The following ERC1 variants were observed in gnomAD, a reference collection of about 807,000 sequenced individuals.
The protein encoded by ERC1 is RAB6 interacting protein 2.
In ERC1, 56 loss-of-function variants were observed where a neutral mutation model predicts 132.0. The ratio of observed to expected loss-of-function variants is 0.42; its 90% CI spans 0.34 to 0.53. The LOEUF (loss-of-function observed/expected upper bound fraction) is 0.53, where lower values mean the gene tolerates loss of function less well. Ranked by LOEUF, ERC1 falls within the 20% of genes least tolerant of loss-of-function variation. ERC1 has a pLI of 0.03. For synonymous variants in ERC1, 478 were observed against 476.1 expected (o/e 1.00, Z -0.05); for missense variants, 1,202 against 1,349.9 (o/e 0.89, Z 1.72).
Position 1,375,417 on chromosome 12 carries a change from A to C in ERC1, c.2925+3440A>C, listed in dbSNP as rs1370639481. 2.5e-4 allele frequency among the ~76,000 whole-genome samples: 38 copies of C among 152,142 alleles called. 1 individual carries two copies. The highest frequency in any genetic ancestry group is 2.5e-3 in the Admixed American group (38 of 15,278). On this transcript the variant is annotated intron_variant, in intron 16 of 18. Transcript: ENST00000360905. ...CCCTCCCCTGACACATGGGGATTACAATTCGAGGTGAGATTTGGGTGGGGA... is the reference window on the plus strand; with the variant it reads ...CCCTCCCCTGACACATGGGGATTACCATTCGAGGTGAGATTTGGGTGGGGA...
chr12:1,019,967 C>A (rs1353416785), intron 1 of ERC1, among the ~76,000 whole-genome samples: 24 of 151,710 alleles, frequency 1.6e-4, no homozygotes, highest in Non-Finnish European at 2.6e-4. Flanking sequence ...GTTGTCCAGG[C>A]TGGTCTTGAA....
intron 15 of ERC1, among the ~76,000 whole-genome samples, chr12:1,364,155 T>C (rs1012608023): frequency 1.3e-5 from 2 of 152,240 alleles, no homozygotes; most frequent in African/African-American, 4.8e-5. Context: ...GAGTCCTACC[T>C]GCAATTCTTG....
At chr12:1,159,973 A>T (rs1360864061) in intron 8 of ERC1, among the ~76,000 whole-genome samples, 2 of 152,230 alleles carry the variant, frequency 1.3e-5, no homozygotes, top group Non-Finnish European at 2.9e-5. Context: ...TACTCAGGAT[A>T]TGAGGTATCA....
At chr12:1,203,342 G>A (rs1049704962) in intron 12 of ERC1, among the ~76,000 whole-genome samples, 2 of 152,230 alleles carry the variant, frequency 1.3e-5, no homozygotes, top group African/African-American at 4.8e-5. Flanking sequence ...ACAGGCGTGA[G>A]CCACTGCGCC....
intron 3 of ERC1, among the ~76,000 whole-genome samples, chr12:1,091,101 C>G (rs1234491189): frequency 6.6e-6 from 1 of 152,142 alleles, no homozygotes; most frequent in African/African-American, 2.4e-5. Context: ...GTTGGCCAGG[C>G]TGGTCTCAAA....
chr12:1,487,594 T>A (rs2094246791), intron 18 of ERC1, among the ~76,000 whole-genome samples: 1 of 150,786 alleles, frequency 6.6e-6, no homozygotes, highest in East Asian at 1.9e-4. Flanking sequence ...GTGGTACACA[T>A]CTGTAATCCC....
At chr12:1,228,641 C>T (rs760255386) in intron 12 of ERC1, among the ~76,000 whole-genome samples, 1 of 152,062 alleles carries the variant, frequency 6.6e-6, no homozygotes, top group Non-Finnish European at 1.5e-5. Context: ...CAACTTTTCA[C>T]CGTTAGATTT....
At chr12:1,353,285 C>T (rs1235991375) in intron 15 of ERC1, among the ~76,000 whole-genome samples, 1 of 152,178 alleles carries the variant, frequency 6.6e-6, no homozygotes, top group African/African-American at 2.4e-5. Context: ...CTGCCTCGGC[C>T]TCCCAAAGTA....
At chr12:1,313,715 G>A (rs2081483704) in intron 15 of ERC1, among the ~76,000 whole-genome samples, 2 of 152,000 alleles carry the variant, frequency 1.3e-5, no homozygotes, top group African/African-American at 4.8e-5. Context: ...CCCGGGTACG[G>A]TGGCTCATGC....
At chr12:1,470,064 C>T (rs78661244) in intron 18 of ERC1, among the ~76,000 whole-genome samples, 79 of 151,498 alleles carry the variant, frequency 5.2e-4, no homozygotes, top group Non-Finnish European at 9.6e-4. Flanking sequence ...AGGGTCATTT[C>T]GTCATCTCAC....
chr12:1,099,835 A>ATTTTTTTTTTTTTTTTT (rs779732035), intron 3 of ERC1, among the ~76,000 whole-genome samples: 1 of 54,364 alleles, frequency 1.8e-5, no homozygotes. Context: ...TGAGACTTTG[A>ATTTTTTTTTTTTTTTTT]TTTTTTTTTT....
At chr12:1,241,232 C>T (rs1308246284) in intron 13 of ERC1, among the ~76,000 whole-genome samples, 2 of 152,134 alleles carry the variant, frequency 1.3e-5, no homozygotes, top group East Asian at 3.8e-4. Flanking sequence ...ATAATGGCGT[C>T]TTCAAGTTGT....
intron 15 of ERC1, among the ~76,000 whole-genome samples, chr12:1,302,655 G>A (rs1482695935): frequency 6.6e-6 from 1 of 152,122 alleles, no homozygotes; most frequent in African/African-American, 2.4e-5. Flanking sequence ...CAAATTTATT[G>A]GTTTCCCAGT....
chr12:1,386,729 CATCTACATCCA>C (rs2089421928), intron 16 of ERC1: 1 of 151,404 alleles, frequency 6.6e-6, no homozygotes, highest in East Asian at 1.9e-4. Flanking sequence ...ATGTAACCAG[CATCTACATCCA>C]GGAAGCAGAT....
chr12:1,493,538 A>ATATATATAT lies in ERC1; in HGVS notation c.*3308_*3309insTATATATAT, dbSNP rs2094334723. On this transcript the variant is annotated 3_prime_UTR_variant, in exon 19 of 19. Coordinates refer to ENST00000360905, the MANE Select transcript of ERC1 (RefSeq NM_178040.4). ...GGTGACAGAGACTCCATTTAAAAAA[A>ATATATATAT]AAAAAAAAAAATATATATATATATA... 4.1e-5 allele frequency: 1 copy of ATATATATAT among 24,332 alleles called. No individual in the cohort carries two copies. The highest frequency in any genetic ancestry group is 1.5e-3 in the East Asian group (1 of 680). The allele number at this position is 24,332 out of a possible 1,614,324, so 1.5% of individuals were successfully genotyped here.
chr12:1,477,201 TA>T (rs1020711869), intron 18 of ERC1, among the ~76,000 whole-genome samples: 23 of 151,760 alleles, frequency 1.5e-4, no homozygotes, highest in Admixed American at 3.9e-4. Context: ...TTTCTGTGAT[TA>T]AAAAAAAATT....
chr12:1,237,674 A>G (rs2075512963), intron 13 of ERC1, among the ~76,000 whole-genome samples: 1 of 152,224 alleles, frequency 6.6e-6, no homozygotes, highest in Non-Finnish European at 1.5e-5. Flanking sequence ...CAGCTTCTAA[A>G]TGGCTCAGCC....
chr12:1,066,856 T>G (rs759644636), intron 2 of ERC1, among the ~76,000 whole-genome samples: 40 of 148,884 alleles, frequency 2.7e-4, no homozygotes, highest in Non-Finnish European at 2.2e-4. Context: ...AAAAAAAAAT[T>G]AGCAAGAAGG....
At chr12:1,478,935 T>C (rs1239007574) in intron 18 of ERC1, among the ~76,000 whole-genome samples, 1 of 152,250 alleles carries the variant, frequency 6.6e-6, no homozygotes, top group Non-Finnish European at 1.5e-5. Context: ...TCTTACATTT[T>C]CTTGTAAATG....
Sources: gnomAD v4.1 joint callset for allele counts (sites outside exome capture counted in the v4.1 genomes callset) on GRCh38, gnomAD v4.1.1 for gene constraint, MANE v1.5 for transcripts, NCBI Gene and HGNC (gene_info 2026-07-23, HGNC 2026-07-21) for gene names.